The following LEMD1 variants were observed in gnomAD, a reference collection of about 807,000 sequenced individuals.
The protein encoded by LEMD1 is LEM domain-containing protein 1.
Under a neutral mutation model 17.4 loss-of-function variants are expected in LEMD1, and 18 were observed. The ratio of observed to expected loss-of-function variants is 1.04; its 90% CI spans 0.72 to 1.54. The LOEUF (loss-of-function observed/expected upper bound fraction) is 1.54. Ranked by LOEUF, LEMD1 falls within the 40% of genes most tolerant of loss-of-function variation. LEMD1 has a pLI of 0.00. For missense variants in LEMD1, 195 were observed against 210.4 expected, an observed-to-expected ratio of 0.93 and a Z score of 0.45; for synonymous variants, 88 against 77.8, an observed-to-expected ratio of 1.13 and a Z score of -0.69.
intron 5 of LEMD1, 107 bp from the exon 6 acceptor site, chr1:205,381,963 C>T: frequency 2.0e-6 from 2 of 1,011,434 alleles, no homozygotes; most frequent in Admixed American, 3.7e-5. Context: ...CATGGTGGGG[C>T]TTTAGAGGTA....
chr1:205,432,606 C>T (rs1032259199), intron 1 of LEMD1, among the ~76,000 whole-genome samples: 8 of 152,230 alleles, frequency 5.3e-5, no homozygotes, highest in African/African-American at 1.9e-4. Flanking sequence ...ACAGAAGAGG[C>T]TTCCTATCAT....
chr1:205,384,863 G>A (rs556076622), intron 4 of LEMD1, among the ~76,000 whole-genome samples: 1 of 152,170 alleles, frequency 6.6e-6, no homozygotes, highest in Admixed American at 6.6e-5. Context: ...GTCAGATGAT[G>A]TTGCTAATTC....
chr1:205,436,895 G>A (rs922912020), intron 1 of LEMD1: 2 of 152,300 alleles, frequency 1.3e-5, no homozygotes, highest in Non-Finnish European at 2.9e-5. Context: ...CATCTGATAA[G>A]TGTGCCCTTT....
At chr1:205,400,089 A>T (rs1261400792) in intron 4 of LEMD1, among the ~76,000 whole-genome samples, 1 of 152,202 alleles carries the variant, frequency 6.6e-6, no homozygotes, top group Non-Finnish European at 1.5e-5. Context: ...TTGTTTTGAC[A>T]CAGGGTCGCT....
rs760680838 is a variant in LEMD1 at position 205,381,651 on chromosome 1, A to G, written c.*7T>C. The G allele has an allele frequency of 6.2e-7, 1 of 1,613,954 alleles. No individual in the cohort carries two copies. The highest frequency in any genetic ancestry group is 2.2e-5 in the East Asian group (1 of 44,886). On this transcript the variant is annotated 3_prime_UTR_variant, in exon 6 of 6. Coordinates refer to ENST00000367153, the MANE Select transcript of LEMD1 (RefSeq NM_001199050.2). Reference sequence around the variant, plus strand: ...TCGCTTGGAGCATTGCTTTGCTCCTAAATTACTTAACCAAACAGCGACTTA... The same window carrying G: ...TCGCTTGGAGCATTGCTTTGCTCCTGAATTACTTAACCAAACAGCGACTTA...
chr1:205,439,184 G>A (rs113400775), intron 1 of LEMD1, among the ~76,000 whole-genome samples: 45 of 152,314 alleles, frequency 3.0e-4, no homozygotes, highest in Middle Eastern at 6.8e-3. Context: ...TACTATCCAA[G>A]AGGACAAAGA....
intron 4 of LEMD1, among the ~76,000 whole-genome samples, chr1:205,390,973 C>A (rs575723808): frequency 1.3e-5 from 2 of 151,830 alleles, no homozygotes; most frequent in East Asian, 3.9e-4. Flanking sequence ...ACTACCTGGG[C>A]GATGCGATCA....
chr1:205,393,892 T>G (rs576866942), intron 4 of LEMD1, among the ~76,000 whole-genome samples: 1 of 149,016 alleles, frequency 6.7e-6, no homozygotes, highest in East Asian at 2.0e-4. Flanking sequence ...GGTACTCAAA[T>G]ACTTGAACAT....
chr1:205,414,046 G>A (rs552027892), intron 4 of LEMD1, among the ~76,000 whole-genome samples: 42 of 152,270 alleles, frequency 2.8e-4, no homozygotes, highest in African/African-American at 9.6e-4. Context: ...TGAAGTAATG[G>A]TTCATGGGAA....
At chr1:205,382,674 G>A (rs1469144327) in intron 5 of LEMD1, among the ~76,000 whole-genome samples, 1 of 152,130 alleles carries the variant, frequency 6.6e-6, no homozygotes, top group Non-Finnish European at 1.5e-5. Flanking sequence ...TCTCAATGCC[G>A]GCATAAAGCC....
chr1:205,414,832 G>A (rs970866823), intron 4 of LEMD1, among the ~76,000 whole-genome samples: 26 of 152,122 alleles, frequency 1.7e-4, no homozygotes, highest in Admixed American at 1.2e-3. Context: ...AGATTACAGT[G>A]AGATATCATG....
intron 1 of LEMD1, among the ~76,000 whole-genome samples, chr1:205,433,343 G>A (rs1322454538): frequency 6.6e-6 from 1 of 152,110 alleles, no homozygotes; most frequent in African/African-American, 2.4e-5. Flanking sequence ...TGTAATCCCA[G>A]CTACTTGGGA....
intron 2 of LEMD1, among the ~76,000 whole-genome samples, chr1:205,419,797 T>C (rs973298044): frequency 2.3e-4 from 35 of 152,144 alleles, no homozygotes; most frequent in African/African-American, 8.4e-4. Context: ...GGTAGACTCA[T>C]AGCTATTCAA....
chr1:205,383,717 T>A (rs1663842366), intron 5 of LEMD1, among the ~76,000 whole-genome samples: 1 of 150,284 alleles, frequency 6.7e-6, no homozygotes, highest in Non-Finnish European at 1.5e-5. Context: ...CACAGCAAGC[T>A]CCGCCTCCCT....
intron 1 of LEMD1, among the ~76,000 whole-genome samples, chr1:205,443,301 C>T (rs1318669233): frequency 6.6e-6 from 1 of 152,178 alleles, no homozygotes; most frequent in Non-Finnish European, 1.5e-5. Context: ...CATCGATCCC[C>T]TTTCCTTTTC....
In LEMD1 at chr1:205,420,442, A is replaced by C. The variant is rs373184288; in HGVS notation, c.82+13T>G. 12 of 1,600,384 alleles carry C rather than the reference A, an allele frequency of 7.5e-6. No homozygotes were observed. In the African/African-American group the frequency reaches 1.6e-4, roughly 21 times the overall value. On this transcript the variant is annotated intron_variant, in intron 2 of 5. Coordinates refer to ENST00000367153, the MANE Select transcript of LEMD1 (RefSeq NM_001199050.2). ...ATGACAAGTCTGTAATATTTGCTGCATACTGTACATACGTAGTATTGGGCC... is the reference window on the plus strand; with the variant it reads ...ATGACAAGTCTGTAATATTTGCTGCCTACTGTACATACGTAGTATTGGGCC...
chr1:205,381,627 C>A lies in LEMD1; in HGVS notation c.*31G>T. 1 of 1,607,474 alleles carries A rather than the reference C, an allele frequency of 6.2e-7. No homozygotes were observed. The highest frequency in any genetic ancestry group is 8.5e-7 in the Non-Finnish European group (1 of 1,173,956). ...GGTTCTTTCCTGAAGCAGGAGGCCTCGCTTGGAGCATTGCTTTGCTCCTAA... is the reference window on the plus strand; with the variant it reads ...GGTTCTTTCCTGAAGCAGGAGGCCTAGCTTGGAGCATTGCTTTGCTCCTAA... On this transcript the variant is annotated 3_prime_UTR_variant, in exon 6 of 6. Coordinates refer to ENST00000367153, the MANE Select transcript of LEMD1 (RefSeq NM_001199050.2).
intron 1 of LEMD1, among the ~76,000 whole-genome samples, chr1:205,431,157 A>T (rs1267458272): frequency 6.6e-6 from 1 of 152,200 alleles, no homozygotes; most frequent in Non-Finnish European, 1.5e-5. Flanking sequence ...CTATTACCTG[A>T]AAAAGGAGAC....
At chr1:205,389,526 G>C (rs1012031314) in intron 4 of LEMD1, among the ~76,000 whole-genome samples, 2 of 152,198 alleles carry the variant, frequency 1.3e-5, no homozygotes, top group South Asian at 4.1e-4. Context: ...AGGGTGCTGA[G>C]AGCCCAGTTT....
Sources: allele counts gnomAD v4.1 joint callset (sites outside exome capture counted in the v4.1 genomes callset), GRCh38; gene constraint gnomAD v4.1.1; transcripts MANE v1.5; gene names NCBI Gene and HGNC (gene_info 2026-07-23, HGNC 2026-07-21).